PTPRJ: variants seen among roughly 807,000 people sequenced by gnomAD.
PTPRJ encodes the protein receptor-type tyrosine-protein phosphatase eta.
A neutral mutation model predicts 141.3 loss-of-function variants in PTPRJ; 129 were observed. The ratio of observed to expected loss-of-function variants is 0.91; its 90% confidence interval spans 0.79 to 1.06. PTPRJ has a LOEUF of 1.06. Among genes scored for constraint, PTPRJ ranks in the 50% least tolerant of loss-of-function variants. The pLI is 0.00. For missense variants in PTPRJ, 1,601 were observed against 1,679.7 expected (o/e 0.95, Z 0.82); for synonymous variants, 610 against 640.5 (o/e 0.95, Z 0.72).
chr11:48,142,672 C>T (rs1250025209), intron 11 of PTPRJ, among the ~76,000 whole-genome samples: 1 of 152,122 alleles, frequency 6.6e-6, no homozygotes, highest in Non-Finnish European at 1.5e-5. Flanking sequence ...GGGTGCCTGC[C>T]CTGGGGATTT....
Position 48,167,552 on chromosome 11 carries a change from G to C in PTPRJ, c.*190G>C. ...TTGGGGCTGTCGGGGGCTGTGGATG[G>C]GTGGGGAGCAAATCATCTGCATTCC... On this transcript the variant is annotated 3_prime_UTR_variant, in exon 25 of 25. Transcript: ENST00000418331. 9.4e-6 allele frequency: 5 copies of C among 531,670 alleles called. No homozygotes were observed. The South Asian group carries it at 1.8e-4, about 19-fold the overall frequency. 32.9% of individuals were successfully genotyped at this position (531,670 alleles called of 1,614,324 possible). A position where few individuals can be genotyped will look rare whatever the true frequency, so the allele number is the denominator to read the frequency against.
intron 1 of PTPRJ, among the ~76,000 whole-genome samples, chr11:48,022,340 T>G (rs998189331): frequency 2.0e-5 from 3 of 151,944 alleles, no homozygotes; most frequent in African/African-American, 7.2e-5. Flanking sequence ...GGTGCATGCC[T>G]GTAATCCCAG....
chr11:48,022,482 T>G (rs1209603501), intron 1 of PTPRJ, among the ~76,000 whole-genome samples: 1 of 150,526 alleles, frequency 6.6e-6, no homozygotes, highest in Non-Finnish European at 1.5e-5. Context: ...AAAAAAAAAA[T>G]TAAGATGATG....
intron 1 of PTPRJ, among the ~76,000 whole-genome samples, chr11:48,001,753 C>T (rs750057289): frequency 4.6e-5 from 7 of 152,146 alleles, no homozygotes; most frequent in Non-Finnish European, 1.0e-4. Context: ...GCCACACAGC[C>T]AATCAGTTGA....
intron 1 of PTPRJ, among the ~76,000 whole-genome samples, chr11:48,030,029 A>G (rs1853937227): frequency 6.6e-6 from 1 of 152,184 alleles, no homozygotes; most frequent in Non-Finnish European, 1.5e-5. Flanking sequence ...TCTTGATTGT[A>G]TGTTCTCTGG....
At chr11:48,132,228 A>T (rs1856996563) in intron 8 of PTPRJ, 1 of 985,280 alleles carries the variant, frequency 1.0e-6, no homozygotes, top group Admixed American at 6.2e-5. Flanking sequence ...CTAGAAGGCT[A>T]ATTGAAATTG....
At chr11:48,053,371 A>G (rs1854649680) in intron 1 of PTPRJ, among the ~76,000 whole-genome samples, 1 of 100,894 alleles carries the variant, frequency 9.9e-6, no homozygotes, top group Non-Finnish European at 1.8e-5. Flanking sequence ...AAAATATAAT[A>G]TATATAAAAT....
At position 48,137,091 on chromosome 11, in the gene PTPRJ, G is replaced by A. The variant is rs562198202; in HGVS notation, c.1962G>A (p.Thr654=). 14 of 1,606,426 alleles carry A rather than the reference G, an allele frequency of 8.7e-6. No individual in the cohort carries two copies. The highest frequency in any genetic ancestry group is 5.5e-5 in the South Asian group (5 of 90,904). ...AGAACTTTGATGACGCCTCTCCCAC[G>A]TACTCCTACTGCCTTCTTATTGAGA... ...SWQNFDDASP[T]YSYCLLIEKA... The change falls in exon 10 of 25, where the codon ACG becomes ACA. Residue 654 remains threonine (T), a synonymous_variant. Transcript: ENST00000418331.
chr11:48,018,940 G>A (rs981183912), intron 1 of PTPRJ, among the ~76,000 whole-genome samples: 27 of 152,128 alleles, frequency 1.8e-4, no homozygotes, highest in African/African-American at 6.5e-4. Context: ...CAGGCTGGTG[G>A]GGAGGGGGGC....
intron 1 of PTPRJ, among the ~76,000 whole-genome samples, chr11:48,074,169 G>A (rs1855339783): frequency 6.6e-6 from 1 of 151,918 alleles, no homozygotes; most frequent in African/African-American, 2.4e-5. Context: ...TTGTAGAGAT[G>A]GGGTTTCACC....
At chr11:47,996,400 A>G (rs568343608) in intron 1 of PTPRJ, among the ~76,000 whole-genome samples, 1 of 151,742 alleles carries the variant, frequency 6.6e-6, no homozygotes, top group African/African-American at 2.4e-5. Context: ...CAGCAGAAGC[A>G]TGTGTCCAGT....
chr11:48,122,325 C>T (rs1856725926), intron 4 of PTPRJ, among the ~76,000 whole-genome samples: 1 of 152,086 alleles, frequency 6.6e-6, no homozygotes, highest in Non-Finnish European at 1.5e-5. Flanking sequence ...CAAGGTGACC[C>T]CGAGGGGGTG....
rs749242075 is a variant in PTPRJ, at chr11:48,167,472, C to G, written c.*110C>G. The G allele has an allele frequency of 3.7e-5, 48 of 1,296,108 alleles. No individual in the cohort carries two copies. The highest frequency in any genetic ancestry group is 5.0e-5 in the Non-Finnish European group (48 of 951,742). 80.3% of individuals were successfully genotyped at this position (1,296,108 alleles called of 1,614,324 possible). ...ATGTCTAATATCTTAATTCTTTGTT[C>G]TGTTTTGTGAGAACTAATTTTGAGG... On this transcript the variant is annotated 3_prime_UTR_variant, in exon 25 of 25. Coordinates refer to ENST00000418331, the MANE Select transcript of PTPRJ (RefSeq NM_002843.4).
chr11:48,137,159 T>C lies in PTPRJ; in HGVS notation c.2030T>C (p.Ile677Thr), dbSNP rs963141659. The C allele has an allele frequency of 3.7e-6, 6 of 1,612,832 alleles. No homozygotes were observed. Among genetic ancestry groups the C allele is most frequent in the Admixed American group, 1.7e-5 (1 of 60,022 alleles). ...SSNATQVVTD[I>T]GITDATVTEL... ...AACGCAACACAAGTAGTCACGGACA[T>C]TGGAATTACTGACGCTACAGTCACT... is the stretch of plus-strand genomic sequence containing the variant. The change falls in exon 10 of 25, where the codon ATT becomes ACT. Residue 677 changes from isoleucine (I) to threonine (T), a missense_variant. Ile to Thr is a moderately conservative substitution (Grantham distance 89, BLOSUM62 -1). Coordinates refer to ENST00000418331, the MANE Select transcript of PTPRJ (RefSeq NM_002843.4).
At chr11:48,038,636 C>T (rs1279168133) in intron 1 of PTPRJ, among the ~76,000 whole-genome samples, 4 of 151,622 alleles carry the variant, frequency 2.6e-5, no homozygotes, top group Admixed American at 6.6e-5. Flanking sequence ...GGTCTACAGG[C>T]GCACGCCACC....
chr11:48,123,530 C>T, intron 4 of PTPRJ, 83 bp from the exon 5 acceptor site: 1 of 1,441,416 alleles, frequency 6.9e-7, no homozygotes, highest in Non-Finnish European at 9.4e-7. Context: ...AAAACCCGCT[C>T]CCAGCACTGA....
chr11:47,982,468 G>A (rs1449349614), intron 1 of PTPRJ, among the ~76,000 whole-genome samples: 2 of 152,182 alleles, frequency 1.3e-5, no homozygotes, highest in East Asian at 1.9e-4. Context: ...AAGGTACAGT[G>A]CCTGTGGGGG....
intron 1 of PTPRJ, among the ~76,000 whole-genome samples, chr11:48,048,314 C>A (rs185969203): frequency 2.0e-5 from 3 of 152,300 alleles, no homozygotes; most frequent in Non-Finnish European, 2.9e-5. Flanking sequence ...TGCCTCAGCT[C>A]TCCTTGCCTC....
chr11:48,046,574 G>A (rs1370154345), intron 1 of PTPRJ, among the ~76,000 whole-genome samples: 1 of 152,154 alleles, frequency 6.6e-6, no homozygotes, highest in Non-Finnish European at 1.5e-5. Flanking sequence ...TGAGAGTCTG[G>A]GGATAAAGAT....
Sources: allele counts gnomAD v4.1 joint callset (sites outside exome capture counted in the v4.1 genomes callset), GRCh38; gene constraint gnomAD v4.1.1; transcripts MANE v1.5; gene names NCBI Gene and HGNC (gene_info 2026-07-23, HGNC 2026-07-21).